Variants in SHROOM3 observed in about 807,000 individuals in gnomAD.
SHROOM3 encodes the protein shroom family member 3.
In SHROOM3, 47 loss-of-function variants were observed where a neutral mutation model predicts 138.6. The observed-to-expected ratio is 0.34, with a 90% CI of 0.27 to 0.43. SHROOM3 has a LOEUF of 0.43. SHROOM3 is among the 20% of genes least tolerant of loss of function. SHROOM3 has a pLI of 1.00. For synonymous variants in SHROOM3, 1,062 were observed against 1,063.3 expected, an observed-to-expected ratio of 1.00 and a Z score of 0.02; for missense variants, 2,491 against 2,596.5, an observed-to-expected ratio of 0.96 and a Z score of 0.88.
chr4:76,598,026 CTTT>C (rs11307449), intron 2 of SHROOM3, among the ~76,000 whole-genome samples: 17 of 137,638 alleles, frequency 1.2e-4, no homozygotes, highest in Admixed American at 2.2e-4. Context: ...AAATCTATGA[CTTT>C]TTTTTTTTTT....
chr4:76,667,040 GA>G (rs1718710878), intron 2 of SHROOM3, among the ~76,000 whole-genome samples: 1 of 152,226 alleles, frequency 6.6e-6, no homozygotes, highest in African/African-American at 2.4e-5. Context: ...CATAGAAACA[GA>G]AAGTAGAATG....
At chr4:76,552,015 T>C (rs60677578) in intron 1 of SHROOM3, among the ~76,000 whole-genome samples, 66,150 of 142,608 alleles carry the variant, frequency 0.46, 15,916 homozygotes, top group African/African-American at 0.59. Flanking sequence ...GCGCCCGCCA[T>C]CACGCCCGGC....
chr4:76,744,539 A>T lies in SHROOM3; in HGVS notation c.3753+2613A>T, dbSNP rs527686139. ...TTATTTGTAGTTATGATGAGTAAAA[A>T]ATAAAACAAAGTTACTCTCACCACA... On this transcript the variant is annotated intron_variant, in intron 5 of 10. Coordinates refer to ENST00000296043, the MANE Select transcript of SHROOM3 (RefSeq NM_020859.4). 2.1e-4 allele frequency among the ~76,000 whole-genome samples: 32 copies of T among 152,298 alleles called. No individual in the cohort carries two copies. The South Asian group carries it at 6.4e-3, about 31-fold the overall frequency.
intron 2 of SHROOM3, among the ~76,000 whole-genome samples, chr4:76,582,231 T>A (rs1299170631): frequency 6.6e-6 from 1 of 152,098 alleles, no homozygotes. Flanking sequence ...TGTTTCTAGC[T>A]CCCCCATTCA....
At chr4:76,733,874 T>G (rs543509438) in intron 4 of SHROOM3, among the ~76,000 whole-genome samples, 5 of 152,266 alleles carry the variant, frequency 3.3e-5, no homozygotes, top group African/African-American at 1.2e-4. Flanking sequence ...ATGTGTAATT[T>G]AACTGTGAGC....
chr4:76,706,788 C>G (rs1041589551), intron 2 of SHROOM3, among the ~76,000 whole-genome samples: 1 of 152,168 alleles, frequency 6.6e-6, no homozygotes, highest in African/African-American at 2.4e-5. Context: ...AAGAGAGGGA[C>G]CAGCAAGCAG....
intron 1 of SHROOM3, among the ~76,000 whole-genome samples, chr4:76,462,474 T>C (rs1450036583): frequency 2.0e-5 from 3 of 152,156 alleles, no homozygotes; most frequent in Non-Finnish European, 4.4e-5. Context: ...CCAAACTTCA[T>C]TTACCACTTG....
At chr4:76,600,657 C>T (rs1734487061) in intron 2 of SHROOM3, among the ~76,000 whole-genome samples, 2 of 152,158 alleles carry the variant, frequency 1.3e-5, no homozygotes, top group Non-Finnish European at 2.9e-5. Flanking sequence ...GGTCATTGCT[C>T]TGGAATGTTC....
In SHROOM3 at chr4:76,741,880, T is replaced by A. The variant is rs752285343; in HGVS notation, c.3707T>A (p.Val1236Asp). 6.2e-7 allele frequency: 1 copy of A among 1,612,240 alleles called. No individual in the cohort carries two copies. Among genetic ancestry groups the A allele is most frequent in the East Asian group, 2.2e-5 (1 of 44,856 alleles). The change falls in exon 5 of 11, where the codon GTC becomes GAC. Residue 1236 changes from valine to aspartate, a missense_variant. Transcript: ENST00000296043. This position sits in a 1 kb window ranked among gnomAD's most constrained non-coding sequence, Gnocchi z 6.2. Reference protein sequence around the residue: ...LERSDVLAGPVHVRSRSSPAT... With the variant: ...LERSDVLAGPDHVRSRSSPAT... ...CGCTCGGACGTCCTTGCGGGCCCTGTCCATGTGAGGTCCAGGTCATCTCCC... is the reference window on the plus strand; with the variant it reads ...CGCTCGGACGTCCTTGCGGGCCCTGACCATGTGAGGTCCAGGTCATCTCCC...
intron 1 of SHROOM3, among the ~76,000 whole-genome samples, chr4:76,503,341 A>AGATTTATTATTT (rs1732140523): frequency 6.6e-6 from 1 of 152,178 alleles, no homozygotes; most frequent in Non-Finnish European, 1.5e-5. Flanking sequence ...AAGTTCTTAT[A>AGATTTATTATTT]CATATTTCAT....
chr4:76,598,285 G>C (rs372193664), intron 2 of SHROOM3, among the ~76,000 whole-genome samples: 5 of 151,912 alleles, frequency 3.3e-5, no homozygotes, highest in African/African-American at 1.2e-4. Flanking sequence ...CTCGGCCTCC[G>C]AAAGTCCTGG....
At chr4:76,762,446 A>C (rs1308236980) in intron 9 of SHROOM3, among the ~76,000 whole-genome samples, 1 of 152,166 alleles carries the variant, frequency 6.6e-6, no homozygotes, top group Non-Finnish European at 1.5e-5. Context: ...TTCTCTCTTC[A>C]CTGTGGAAAA....
Position 76,741,149 on chromosome 4 carries a change from G to A in SHROOM3, c.2976G>A (p.Glu992=). The A allele has an allele frequency of 6.4e-7, 1 of 1,567,148 alleles. No homozygotes were observed. ...PRERHSVTPA[E]GDLARPVPPA... ...AGCGGCACAGCGTGACCCCTGCTGA[G>A]GGCGACCTGGCCAGGCCCGTGCCCC... Residue 992 remains glutamate, a synonymous_variant, in exon 5 of 11, where the codon GAG becomes GAA. Transcript: ENST00000296043. This position sits in a 1 kb window ranked among gnomAD's most constrained non-coding sequence, Gnocchi z 6.2.
At position 76,435,952 on chromosome 4, in the gene SHROOM3, TG is replaced by T; in HGVS notation, c.-100del. ...TTCTCCAAACCTCTCTTTTGGCCATTGTGTGTCCTGAAGGATGGGACAACTT... is the reference window on the plus strand; with the variant it reads ...TTCTCCAAACCTCTCTTTTGGCCATTTGTGTCCTGAAGGATGGGACAACTT... On this transcript the variant is annotated 5_prime_UTR_variant, in exon 1 of 11. The change abolishes the stop of an existing upstream ORF in the 5' untranslated region. Coordinates refer to ENST00000296043, the MANE Select transcript of SHROOM3 (RefSeq NM_020859.4). The T allele has an allele frequency of 7.8e-7, 1 of 1,277,086 alleles. No homozygotes were observed. The highest frequency in any genetic ancestry group is 1.1e-6 in the Non-Finnish European group (1 of 910,720). The allele number at this position is 1,277,086 out of a possible 1,614,324, so 79.1% of individuals were successfully genotyped here.
chr4:76,756,405 T>TCTCTCTC (rs1553950015), intron 7 of SHROOM3, 44 bp from the exon 8 acceptor site: 262 of 1,479,720 alleles, frequency 1.8e-4, no homozygotes, highest in African/African-American at 1.3e-3. Context: ...CACTCTCTCT[T>TCTCTCTC]TCTCTCTCTC....
At chr4:76,463,511 G>A (rs554235260) in intron 1 of SHROOM3, among the ~76,000 whole-genome samples, 34 of 152,326 alleles carry the variant, frequency 2.2e-4, no homozygotes, top group Middle Eastern at 3.4e-3. Context: ...TTCTGGGAAG[G>A]AATTCAAGCC....
chr4:76,467,416 T>G (rs1731271558), intron 1 of SHROOM3, among the ~76,000 whole-genome samples: 1 of 152,162 alleles, frequency 6.6e-6, no homozygotes, highest in Admixed American at 6.5e-5. Context: ...TGAAATCGCA[T>G]GCGTTTGTGG....
chr4:76,559,129 ATGCCT>A (rs1252113370), intron 2 of SHROOM3: 1 of 152,218 alleles, frequency 6.6e-6, no homozygotes, highest in East Asian at 1.9e-4. Context: ...TGTCCCTAAG[ATGCCT>A]TTTGAATATG....
At chr4:76,552,676 G>A (rs6532475) in intron 1 of SHROOM3, among the ~76,000 whole-genome samples, 88,193 of 150,630 alleles carry the variant, frequency 0.59, 26,076 homozygotes, top group African/African-American at 0.64. Context: ...ATGTAGCTAT[G>A]TCTGCATATA....
Sources: gnomAD v4.1 joint callset for allele counts (sites outside exome capture counted in the v4.1 genomes callset) on GRCh38, gnomAD v4.1.1 for gene constraint, Gnocchi (gnomAD v3.1) non-coding constraint, MANE v1.5 for transcripts, NCBI Gene and HGNC (gene_info 2026-07-23, HGNC 2026-07-21) for gene names.